The following PPP1R16B variants were observed in gnomAD, a reference collection of about 807,000 sequenced individuals.
The protein encoded by PPP1R16B is protein phosphatase 1 regulatory subunit 16B.
PPP1R16B carries 14 observed loss-of-function variants against 61.7 expected under a neutral mutation model. That is an observed-to-expected ratio of 0.23 (90% CI 0.15 to 0.35). The LOEUF is 0.35. Ranked by LOEUF, PPP1R16B falls within the 10% of genes least tolerant of loss-of-function variation. The pLI, the probability that PPP1R16B is intolerant of heterozygous loss-of-function variation, is 1.00. For missense variants in PPP1R16B, 547 were observed against 752.5 expected, an observed-to-expected ratio of 0.73 and a Z score of 3.19; for synonymous variants, 266 against 305.3, an observed-to-expected ratio of 0.87 and a Z score of 1.34.
intron 3 of PPP1R16B, among the ~76,000 whole-genome samples, chr20:38,891,745 T>C (rs999206127): frequency 6.6e-6 from 1 of 151,362 alleles, no homozygotes; most frequent in African/African-American, 2.4e-5. Context: ...GAGGTTGTAG[T>C]GAGCTGAGAT....
At chr20:38,830,752 G>A (rs1443035573) in intron 1 of PPP1R16B, among the ~76,000 whole-genome samples, 4 of 152,172 alleles carry the variant, frequency 2.6e-5, no homozygotes, top group Non-Finnish European at 5.9e-5. Flanking sequence ...CTCTCTGTGT[G>A]GGTCCATGTT....
chr20:38,883,602 G>A (rs1245290174), intron 2 of PPP1R16B, among the ~76,000 whole-genome samples: 1 of 152,196 alleles, frequency 6.6e-6, no homozygotes, highest in East Asian at 1.9e-4. Context: ...CTGTGTAGGG[G>A]GTGGCGGGGC....
intron 4 of PPP1R16B, among the ~76,000 whole-genome samples, chr20:38,896,180 T>C (rs1387509869): frequency 2.2e-5 from 2 of 89,000 alleles, no homozygotes; most frequent in Non-Finnish European, 4.4e-5. Flanking sequence ...CCTTCTTTCT[T>C]CCCTCCCTTC....
intron 2 of PPP1R16B, among the ~76,000 whole-genome samples, chr20:38,887,171 C>T (rs928298710): frequency 6.6e-6 from 1 of 151,420 alleles, no homozygotes; most frequent in African/African-American, 2.5e-5. Flanking sequence ...GCAATGGGAA[C>T]AGACTATGCA....
chr20:38,900,013 C>T (rs907745441), intron 4 of PPP1R16B, among the ~76,000 whole-genome samples: 21 of 152,042 alleles, frequency 1.4e-4, no homozygotes, highest in African/African-American at 4.8e-4. Flanking sequence ...AGGCTGGTCT[C>T]GAACTCCTGA....
Position 38,909,518 on chromosome 20 carries a change from C to G in PPP1R16B, c.1194+1325C>G, listed in dbSNP as rs1234377033. On this transcript the variant is annotated intron_variant, in intron 10 of 10. Coordinates refer to ENST00000299824, the MANE Select transcript of PPP1R16B (RefSeq NM_015568.4). ...CTGCTTTCTTGCTGAGTGGAGTGAA[C>G]AAGTTTGGGGCTGGAGTGGAATTGC... 2.0e-5 allele frequency among the ~76,000 whole-genome samples: 3 copies of G among 152,248 alleles called. No homozygotes were observed. The East Asian group carries it at 5.8e-4, about 29-fold the overall frequency.
chr20:38,836,284 C>T, intron 2 of PPP1R16B, 109 bp downstream of exon 2: 1 of 1,448,332 alleles, frequency 6.9e-7, no homozygotes. Context: ...TCTGCAGACC[C>T]ACTTCCAAGT....
intron 2 of PPP1R16B, among the ~76,000 whole-genome samples, chr20:38,842,004 C>T (rs745993780): frequency 1.8e-4 from 28 of 152,286 alleles, no homozygotes; most frequent in Admixed American, 7.2e-4. Flanking sequence ...TAAGAAACTG[C>T]TGTACTGTCT....
intron 7 of PPP1R16B, 110 bp downstream of exon 7, chr20:38,906,204 A>G (rs1468037773): frequency 2.7e-5 from 33 of 1,236,452 alleles, no homozygotes; most frequent in Non-Finnish European, 3.6e-5. Flanking sequence ...TTTAAGGCTT[A>G]AGGTGTTGAA....
chr20:38,825,746 T>A (rs1210943373), intron 1 of PPP1R16B, among the ~76,000 whole-genome samples: 2 of 152,138 alleles, frequency 1.3e-5, no homozygotes, highest in Non-Finnish European at 2.9e-5. Context: ...ACTTCCTAGA[T>A]CCTTGGCCTC....
intron 2 of PPP1R16B, among the ~76,000 whole-genome samples, chr20:38,860,776 C>T (rs1448099364): frequency 1.3e-5 from 2 of 152,208 alleles, no homozygotes; most frequent in Admixed American, 1.3e-4. Flanking sequence ...GCTAGTCAGC[C>T]TGGTTGGCAG....
rs765586502 is a variant in PPP1R16B at position 38,902,661 on chromosome 20, A to T, written c.572-7A>T. On this transcript the variant is annotated splice_region_variant and splice_polypyrimidine_tract_variant and intron_variant, in intron 5 of 10. Transcript: ENST00000299824. ...GTGCTAAATAAATCCCCTCTTTCCC[A>T]CTGCAGGCATCACCCAAGAGAAAAT... The T allele has an allele frequency of 1.1e-5, 17 of 1,613,968 alleles. 1 individual carries two copies. In the South Asian group the frequency reaches 1.9e-4, roughly 18 times the overall value.
chr20:38,858,969 G>C lies in PPP1R16B; in HGVS notation c.250+22794G>C, dbSNP rs138276649. 9.2e-5 allele frequency among the ~76,000 whole-genome samples: 14 copies of C among 152,280 alleles called. No individual in the cohort carries two copies. The East Asian group carries it at 2.3e-3, about 25-fold the overall frequency. ...CCTCCCCATGTAGCCTCTCTACGAT[G>C]GTGGCCTTGGCAGAGTCAGACTTCT... On this transcript the variant is annotated intron_variant, in intron 2 of 10. Transcript: ENST00000299824.
intron 1 of PPP1R16B, among the ~76,000 whole-genome samples, chr20:38,821,527 T>A (rs757299787): frequency 6.6e-6 from 1 of 152,184 alleles, no homozygotes; most frequent in Non-Finnish European, 1.5e-5. Flanking sequence ...GAAGAGCTGG[T>A]CTTTGTGACA....
chr20:38,909,796 G>C (rs1433337635), intron 10 of PPP1R16B, among the ~76,000 whole-genome samples: 1 of 152,182 alleles, frequency 6.6e-6, no homozygotes. Context: ...GCCACCAGCT[G>C]GTGATGGAGA....
At chr20:38,888,876 AACACACAC>A (rs1181903301) in intron 2 of PPP1R16B, among the ~76,000 whole-genome samples, 3,097 of 112,260 alleles carry the variant, frequency 0.028, 48 homozygotes, top group Non-Finnish European at 0.032. Flanking sequence ...AGAATCCCTG[AACACACAC>A]ACACACACAC....
chr20:38,857,498 A>T (rs2085016306), intron 2 of PPP1R16B, among the ~76,000 whole-genome samples: 1 of 152,120 alleles, frequency 6.6e-6, no homozygotes. Context: ...CCATTCCAGG[A>T]GGTTCTTGAT....
intron 1 of PPP1R16B, among the ~76,000 whole-genome samples, chr20:38,809,985 G>GAAAAAAA (rs11086731): frequency 1.5e-3 from 120 of 79,074 alleles, no homozygotes; most frequent in Non-Finnish European, 1.6e-3. Flanking sequence ...ACCTTGTTTC[G>GAAAAAAA]AAAAAAAAAA....
intron 10 of PPP1R16B, among the ~76,000 whole-genome samples, chr20:38,910,092 C>T (rs2085476779): frequency 6.6e-6 from 1 of 151,798 alleles, no homozygotes; most frequent in African/African-American, 2.4e-5. Flanking sequence ...GATTCTCTTG[C>T]CTCAGCCTCC....
Sources: gnomAD v4.1 joint callset for allele counts (sites outside exome capture counted in the v4.1 genomes callset) on GRCh38, gnomAD v4.1.1 for gene constraint, MANE v1.5 for transcripts, NCBI Gene and HGNC (gene_info 2026-07-23, HGNC 2026-07-21) for gene names.